The following RSPH9 variants were observed in gnomAD, a reference collection of about 807,000 sequenced individuals.
The protein encoded by RSPH9 is radial spoke head component 9, also known as radial spoke head protein 9 homolog.
RSPH9 carries 27 observed loss-of-function variants against 27.0 expected under a neutral mutation model. The observed-to-expected ratio is 1.00, with a 90% CI of 0.74 to 1.38. RSPH9 has a LOEUF of 1.38. Ranked by LOEUF, RSPH9 falls within the 40% of genes most tolerant of loss-of-function variation. The probability of loss-of-function intolerance (pLI) is 0.00; values close to 1 mark genes in which losing one functional copy is unlikely to be tolerated. For synonymous variants in RSPH9, 145 were observed against 147.7 expected (o/e 0.98, Z 0.13); for missense variants, 347 against 357.4 (o/e 0.97, Z 0.24).
chr6:43,649,391 C>A (rs1771209315), intron 1 of RSPH9, among the ~76,000 whole-genome samples: 1 of 151,888 alleles, frequency 6.6e-6, no homozygotes, highest in Non-Finnish European at 1.5e-5. Context: ...AGGGTTTCAC[C>A]ATGTTGGCCA....
chr6:43,646,528 C>T (rs572427662), intron 1 of RSPH9, among the ~76,000 whole-genome samples: 1 of 151,770 alleles, frequency 6.6e-6, no homozygotes, highest in African/African-American at 2.4e-5. Flanking sequence ...CCACCCGCCT[C>T]GGCCTCCCAA....
rs761682325 is a variant in RSPH9 at position 43,666,441 on chromosome 6, C to G, written c.671-4348C>G. On this transcript the variant is annotated intron_variant, in intron 4 of 4. Transcript: ENST00000372163. Reference sequence around the variant, plus strand: ...CCTTTCAGGGTCTGAGGCAGTTGTTCAGGGTGACTTCACGTGGCTTCTGAG... The same window carrying G: ...CCTTTCAGGGTCTGAGGCAGTTGTTGAGGGTGACTTCACGTGGCTTCTGAG... The G allele has an allele frequency of 4.2e-5, 65 of 1,550,294 alleles. No individual in the cohort carries two copies. In the African/African-American group the frequency reaches 8.2e-4, roughly 20 times the overall value.
In RSPH9 at chr6:43,655,662, G is replaced by GA; in HGVS notation, c.495dup (p.Pro166ThrfsTer9). ...GGCGCCCTCTTCAAGACCCCTTTTG[G>GA]ACCCACCCATGTCAATCGGACCTTT... On this transcript the variant is annotated frameshift_variant, in exon 3 of 5. Coordinates refer to ENST00000372163, the MANE Select transcript of RSPH9 (RefSeq NM_152732.5). LOFTEE classifies it high-confidence loss of function. 6.2e-7 allele frequency: 1 copy of GA among 1,614,220 alleles called. No individual in the cohort carries two copies. The highest frequency in any genetic ancestry group is 8.5e-7 in the Non-Finnish European group (1 of 1,180,036).
intron 4 of RSPH9, among the ~76,000 whole-genome samples, chr6:43,663,376 G>C (rs1054346594): frequency 6.6e-6 from 1 of 151,936 alleles, no homozygotes; most frequent in African/African-American, 2.4e-5. Flanking sequence ...ATGCCACCAT[G>C]CCCAGCTAAT....
chr6:43,655,925 C>T (rs547054872), intron 3 of RSPH9, among the ~76,000 whole-genome samples: 7 of 152,186 alleles, frequency 4.6e-5, no homozygotes, highest in Non-Finnish European at 1.0e-4. Context: ...CATATAGTCC[C>T]TTGGTCCCAG....
chr6:43,647,608 A>AG (rs1212633522), intron 1 of RSPH9, among the ~76,000 whole-genome samples: 1 of 152,228 alleles, frequency 6.6e-6, no homozygotes, highest in Non-Finnish European at 1.5e-5. Context: ...AGCACCACTC[A>AG]GTAGGAGAGA....
Position 43,656,722 on chromosome 6 carries a change from A to G in RSPH9, c.669A>G (p.Lys223=). 6.2e-7 allele frequency: 1 copy of G among 1,614,046 alleles called. No homozygotes were observed. Among genetic ancestry groups the G allele is most frequent in the South Asian group, 1.1e-5 (1 of 91,072 alleles). The change falls in exon 4 of 5, where the codon AAA becomes AAG. Residue 223 remains lysine (K), a splice_region_variant and synonymous_variant. Coordinates refer to ENST00000372163, the MANE Select transcript of RSPH9 (RefSeq NM_152732.5). ...FMDSLEHDIP[K]GSWSIQMERG... is the part of the protein sequence containing the mutation. ...ACTCCTTGGAGCATGACATTCCCAA[A>G]GGTAATAGTCCATTACCTGGAGGCC...
chr6:43,647,260 ATGT>A (rs1244683737), intron 1 of RSPH9, among the ~76,000 whole-genome samples: 7 of 152,156 alleles, frequency 4.6e-5, no homozygotes, highest in Admixed American at 2.0e-4. Context: ...CAGTAGTATG[ATGT>A]TGTGTAGAAC....
intron 4 of RSPH9, among the ~76,000 whole-genome samples, chr6:43,661,426 C>T (rs942061320): frequency 6.6e-6 from 1 of 152,068 alleles, no homozygotes. Context: ...TTTGGGAGGC[C>T]GAGGTGGGCG....
At chr6:43,654,302 AG>A (rs1475121467) in intron 2 of RSPH9, among the ~76,000 whole-genome samples, 3 of 152,174 alleles carry the variant, frequency 2.0e-5, no homozygotes, top group Non-Finnish European at 2.9e-5. Context: ...CTGTGTAAAA[AG>A]GGTATGATAT....
chr6:43,668,365 C>T (rs557340268), intron 4 of RSPH9, among the ~76,000 whole-genome samples: 3 of 152,268 alleles, frequency 2.0e-5, no homozygotes, highest in South Asian at 2.1e-4. Context: ...GACAGGAATG[C>T]GAGGGAGGGA....
At position 43,645,188 on chromosome 6, in the gene RSPH9, G is replaced by A. The variant is rs1315432599; in HGVS notation, c.90G>A (p.Thr30=). The A allele has an allele frequency of 1.2e-6, 2 of 1,613,776 alleles. No individual in the cohort carries two copies. Among genetic ancestry groups the A allele is most frequent in the African/African-American group, 1.3e-5 (1 of 74,946 alleles). ...CGGACCGTCGGGCCTCGCTGCTCAC[G>A]TCTCTTATGCTGGTTAAGCGCGACT... ...LSPDRRASLL[T]SLMLVKRDYR... The change falls in exon 1 of 5, where the codon ACG becomes ACA. Residue 30 remains threonine, a synonymous_variant. Coordinates refer to ENST00000372163, the MANE Select transcript of RSPH9 (RefSeq NM_152732.5).
chr6:43,669,968 G>T (rs1773548181), intron 4 of RSPH9, among the ~76,000 whole-genome samples: 1 of 152,254 alleles, frequency 6.6e-6, no homozygotes, highest in Non-Finnish European at 1.5e-5. Context: ...GGGCCATTGA[G>T]CTAGGAGGCC....
intron 2 of RSPH9, among the ~76,000 whole-genome samples, chr6:43,652,729 G>GTTTTTTTTT (rs1561938646): frequency 7.9e-6 from 1 of 125,948 alleles, no homozygotes; most frequent in African/African-American, 3.1e-5. Flanking sequence ...CCCAACTTCC[G>GTTTTTTTTT]GTTTTTTTTT....
chr6:43,666,322 G>T lies in RSPH9; in HGVS notation c.671-4467G>T, dbSNP rs1239385316. The T allele has an allele frequency of 3.2e-6, 3 of 942,540 alleles. No homozygotes were observed. In the African/African-American group the frequency reaches 4.9e-5, roughly 15 times the overall value. 58.4% of individuals were successfully genotyped at this position (942,540 alleles called of 1,614,324 possible). ...CAGCTGGGCTGGGCTGCTAATTGGG[G>T]CCAAAATCCCAAGGAAGAGTTCCCT... On this transcript the variant is annotated intron_variant, in intron 4 of 4. Transcript: ENST00000372163.
intron 2 of RSPH9, among the ~76,000 whole-genome samples, chr6:43,653,566 C>G (rs564205093): frequency 6.6e-6 from 1 of 151,764 alleles, no homozygotes; most frequent in Admixed American, 6.6e-5. Context: ...TGTTTTGAAA[C>G]AATACAATCC....
Position 43,647,541 on chromosome 6 carries a change from A to G in RSPH9, c.227+2216A>G, listed in dbSNP as rs116055888. ...TAACTCATTGAATAAGGATGGTTAT[A>G]AAGGAGAGGTTAAGGCTGACCCCTC... On this transcript the variant is annotated intron_variant, in intron 1 of 4. Coordinates refer to ENST00000372163, the MANE Select transcript of RSPH9 (RefSeq NM_152732.5). Among the ~76,000 whole-genome samples, 1,123 of 152,336 alleles carry G rather than the reference A, an allele frequency of 7.4e-3. 6 individuals carry two copies. The highest frequency in any genetic ancestry group is 0.017 in the Middle Eastern group (5 of 294).
chr6:43,663,723 A>ATAT (rs1258826698), intron 4 of RSPH9, among the ~76,000 whole-genome samples: 1 of 152,018 alleles, frequency 6.6e-6, no homozygotes, highest in Non-Finnish European at 1.5e-5. Context: ...ACCATAACAC[A>ATAT]TATAATAATA....
chr6:43,646,033 C>A (rs1354035094), intron 1 of RSPH9, among the ~76,000 whole-genome samples: 1 of 152,184 alleles, frequency 6.6e-6, no homozygotes, highest in East Asian at 1.9e-4. Flanking sequence ...TGGTTCACTG[C>A]AACCTCCGCC....
Sources: allele counts gnomAD v4.1 joint callset (sites outside exome capture counted in the v4.1 genomes callset), GRCh38; gene constraint gnomAD v4.1.1; transcripts MANE v1.5; gene names NCBI Gene and HGNC (gene_info 2026-07-23, HGNC 2026-07-21).